Variants in MAT1A observed in about 807,000 individuals in gnomAD.
MAT1A encodes the protein S-adenosylmethionine synthase isoform type-1.
MAT1A carries 19 observed loss-of-function variants against 44.0 expected under a neutral mutation model. The observed-to-expected ratio is 0.43, with a 90% CI of 0.30 to 0.63. MAT1A has a LOEUF of 0.63. MAT1A is among the 30% of genes least tolerant of loss of function. The pLI is 0.12. For missense variants in MAT1A, 397 were observed against 531.0 expected (o/e 0.75, Z 2.48); for synonymous variants, 205 against 205.6 (o/e 1.00, Z 0.03).
chr10:80,275,376 A>G, intron 6 of MAT1A, 177 bp from the exon 7 acceptor site: 1 of 649,402 alleles, frequency 1.5e-6, no homozygotes, highest in East Asian at 2.7e-5. Flanking sequence ...CAGCTCAGTC[A>G]CTGACAACAT....
chr10:80,279,799 C>A (rs1841537015), intron 5 of MAT1A, among the ~76,000 whole-genome samples: 3 of 148,022 alleles, frequency 2.0e-5, no homozygotes, highest in Admixed American at 6.8e-5. Context: ...CACAGACAGA[C>A]AACACAGACA....
chr10:80,274,417 G>A, intron 8 of MAT1A, 103 bp downstream of exon 8: 2 of 1,529,034 alleles, frequency 1.3e-6, no homozygotes, highest in Non-Finnish European at 1.8e-6. Flanking sequence ...TCCCACTTCT[G>A]AGAGGCAGAA....
rs531069883 is a variant in MAT1A, at chr10:80,279,329, C to T, written c.549+844G>A. Among the ~76,000 whole-genome samples the T allele has an allele frequency of 3.8e-4, 57 of 151,982 alleles. 1 individual carries two copies. In the Middle Eastern group the frequency reaches 0.01, roughly 27 times the overall value. Reference sequence around the variant, plus strand: ...TGGAGAGAGATGGCGCTGAACAGGACGGGGGAAGGGCAGGAGGGAGGTGGC... The same window carrying T: ...TGGAGAGAGATGGCGCTGAACAGGATGGGGGAAGGGCAGGAGGGAGGTGGC... On this transcript the variant is annotated intron_variant, in intron 5 of 8. Coordinates refer to ENST00000372213, the MANE Select transcript of MAT1A (RefSeq NM_000429.3).
In MAT1A at chr10:80,276,397, C is replaced by A; in HGVS notation, c.747G>T (p.Arg249=). The A allele has an allele frequency of 4.3e-6, 7 of 1,614,160 alleles. No homozygotes were observed. The highest frequency in any genetic ancestry group is 5.9e-6 in the Non-Finnish European group (7 of 1,180,038). The change falls in exon 6 of 9, where the codon CGG becomes CGT. Residue 249 remains arginine, a synonymous_variant. Coordinates refer to ENST00000372213, the MANE Select transcript of MAT1A (RefSeq NM_000429.3). ...DTVYHLQPSG[R]FVIGGPQGDA... ...GCACCTGGGGACCTCCGATGACAAA[C>A]CGCCCACTGGGCTGCAGGTGGTAGA...
chr10:80,289,647 C>CCAGCTTGCCA lies in MAT1A; in HGVS notation c.-234_-225dup, dbSNP rs1372106940. Reference sequence around the variant, plus strand: ...TGGAACACGGGATGTGTCCCTCCCTCCAGCTTGCCACAGCTTGCTCCTGAG... The same window carrying CCAGCTTGCCA: ...TGGAACACGGGATGTGTCCCTCCCTCCAGCTTGCCACAGCTTGCCACAGCTTGCTCCTGAG... On this transcript the variant is annotated 5_prime_UTR_variant, in exon 1 of 9. Coordinates refer to ENST00000372213, the MANE Select transcript of MAT1A (RefSeq NM_000429.3). 1 of 576,930 alleles carries CCAGCTTGCCA rather than the reference C, an allele frequency of 1.7e-6. No homozygotes were observed. 35.7% of individuals were successfully genotyped at this position (576,930 alleles called of 1,614,324 possible). A position where few individuals can be genotyped will look rare whatever the true frequency, so the allele number is the denominator to read the frequency against.
chr10:80,274,767 C>A, intron 7 of MAT1A, 114 bp from the exon 8 acceptor site: 1 of 1,423,396 alleles, frequency 7.0e-7, no homozygotes, highest in Non-Finnish European at 9.7e-7. Flanking sequence ...TCTTGCCCCA[C>A]ATGCTCCCCT....
chr10:80,287,624 G>A (rs757527735), intron 1 of MAT1A, among the ~76,000 whole-genome samples: 2 of 152,142 alleles, frequency 1.3e-5, no homozygotes, highest in Non-Finnish European at 2.9e-5. Flanking sequence ...ACCACTAGCC[G>A]CTGCATGCCA....
At chr10:80,274,746 G>T in intron 7 of MAT1A, 93 bp from the exon 8 acceptor site, 1 of 1,544,136 alleles carries the variant, frequency 6.5e-7, no homozygotes, top group Non-Finnish European at 8.8e-7. Flanking sequence ...GACCAGCGGG[G>T]ACCACATGCC....
intron 1 of MAT1A, among the ~76,000 whole-genome samples, chr10:80,287,384 AC>A (rs1841662707): frequency 6.6e-6 from 1 of 152,142 alleles, no homozygotes; most frequent in Non-Finnish European, 1.5e-5. Flanking sequence ...AGAGAAGAAA[AC>A]CTTTATCTTT....
chr10:80,282,180 T>C (rs1049878492), intron 3 of MAT1A, among the ~76,000 whole-genome samples: 1 of 152,142 alleles, frequency 6.6e-6, no homozygotes, highest in African/African-American at 2.4e-5. Context: ...GTCTAAATAA[T>C]GAATCTCCCC....
Position 80,289,248 on chromosome 10 carries a change from G to A in MAT1A, c.91+85C>T. ...CCATAAATATGCACAATTATTATGT[G>A]TCAAATTAAAACCATTTGTAAGTGA... On this transcript the variant is annotated intron_variant, in intron 1 of 8. Coordinates refer to ENST00000372213, the MANE Select transcript of MAT1A (RefSeq NM_000429.3). 3 of 1,066,274 alleles carry A rather than the reference G, an allele frequency of 2.8e-6. No homozygotes were observed. The East Asian group carries it at 7.1e-5, about 25-fold the overall frequency. 66.1% of individuals were successfully genotyped at this position (1,066,274 alleles called of 1,614,324 possible).
chr10:80,288,613 G>A (rs1292828290), intron 1 of MAT1A, among the ~76,000 whole-genome samples: 2 of 152,084 alleles, frequency 1.3e-5, no homozygotes, highest in Non-Finnish European at 2.9e-5. Context: ...CTTAGAGAAC[G>A]TTACTGAGTC....
intron 3 of MAT1A, among the ~76,000 whole-genome samples, chr10:80,281,448 T>G (rs1841566121): frequency 6.6e-6 from 1 of 151,884 alleles, no homozygotes; most frequent in Non-Finnish European, 1.5e-5. Context: ...GAGGCACTGG[T>G]TTGGGGAAGT....
intron 3 of MAT1A, among the ~76,000 whole-genome samples, chr10:80,282,001 C>T (rs1362900037): frequency 6.6e-6 from 1 of 152,158 alleles, no homozygotes; most frequent in Middle Eastern, 3.2e-3. Flanking sequence ...CCCCAGGGCA[C>T]CTCATGTTGC....
Position 80,273,757 on chromosome 10 carries a change from GA to G in MAT1A, c.*23del. ...TGGCCACCAGGTGCCTCCAGGGTGA[GA>G]CCAGGCCCAGCTCCCCCTGGCTCTA... On this transcript the variant is annotated 3_prime_UTR_variant, in exon 9 of 9. Transcript: ENST00000372213. 1 of 1,559,180 alleles carries G rather than the reference GA, an allele frequency of 6.4e-7. No homozygotes were observed. Among genetic ancestry groups the G allele is most frequent in the East Asian group, 2.2e-5 (1 of 44,584 alleles).
intron 1 of MAT1A, 101 bp downstream of exon 1, chr10:80,289,232 T>C (rs866569827): frequency 3.2e-6 from 3 of 936,122 alleles, no homozygotes; most frequent in Middle Eastern, 2.1e-4. Context: ...CCCATAAATA[T>C]GCACAATTAT....
In MAT1A at chr10:80,276,651, A is replaced by G. The variant is rs554905429; in HGVS notation, c.550-57T>C. 1.8e-5 allele frequency: 29 copies of G among 1,569,714 alleles called. No homozygotes were observed. The East Asian group carries it at 3.1e-4, about 17-fold the overall frequency. On this transcript the variant is annotated intron_variant, in intron 5 of 8. Coordinates refer to ENST00000372213, the MANE Select transcript of MAT1A (RefSeq NM_000429.3). ...GAGGCTGAGGCTGAGCGAACGGCAC[A>G]TCGTGGCCAGACACAGGCACCCAGG... is the stretch of plus-strand genomic sequence containing the variant.
intron 7 of MAT1A, 26 bp from the exon 8 acceptor site, chr10:80,274,679 AT>A: frequency 1.2e-6 from 2 of 1,613,868 alleles, no homozygotes; most frequent in South Asian, 2.2e-5. Flanking sequence ...AGCGTCAGGG[AT>A]TGAAGCCTCT....
Position 80,275,214 on chromosome 10 carries a change from A to C in MAT1A, c.769-15T>G. 3.1e-6 allele frequency: 5 copies of C among 1,608,028 alleles called. No individual in the cohort carries two copies. The highest frequency in any genetic ancestry group is 4.2e-6 in the Non-Finnish European group (5 of 1,176,832). The stretch of plus-strand genomic sequence containing the variant: ...CCCGCATCCCCCTGCAGAGGGAGAG[A>C]AATCAAGATAAGAAGCAGAGCCAGC... On this transcript the variant is annotated splice_polypyrimidine_tract_variant and intron_variant, in intron 6 of 8. Transcript: ENST00000372213.
Sources: gnomAD v4.1 joint callset for allele counts (sites outside exome capture counted in the v4.1 genomes callset) on GRCh38, gnomAD v4.1.1 for gene constraint, MANE v1.5 for transcripts, NCBI Gene and HGNC (gene_info 2026-07-23, HGNC 2026-07-21) for gene names.